The following COL6A5 variants were observed in gnomAD, a reference collection of about 807,000 sequenced individuals.
COL6A5 encodes the protein collagen type VI alpha 5 chain.
COL6A5 carries 48 observed loss-of-function variants against 65.6 expected under a neutral mutation model. The ratio of observed to expected loss-of-function variants is 0.73; its 90% CI spans 0.58 to 0.93. The LOEUF (loss-of-function observed/expected upper bound fraction) is 0.93. Ranked by LOEUF, COL6A5 falls within the 40% of genes least tolerant of loss-of-function variation. The pLI is 0.00. For synonymous variants in COL6A5, 291 were observed against 322.8 expected (o/e 0.90, Z 1.05); for missense variants, 914 against 928.3 (o/e 0.98, Z 0.20).
chr3:130,382,242 AAC>A (rs1936021095), intron 4 of COL6A5, among the ~76,000 whole-genome samples: 1 of 152,032 alleles, frequency 6.6e-6, no homozygotes, highest in African/African-American at 2.4e-5. Flanking sequence ...AACAACAAAA[AAC>A]ACAAAAAAAC....
intron 1 of COL6A5, among the ~76,000 whole-genome samples, chr3:130,350,601 A>G (rs1934667036): frequency 6.6e-6 from 1 of 152,194 alleles, no homozygotes; most frequent in Admixed American, 6.5e-5. Flanking sequence ...TCCAACTTAC[A>G]AGGGATGTGA....
chr3:130,468,186 A>C (rs1387039858), intron 5 of COL6A5, among the ~76,000 whole-genome samples: 1 of 152,036 alleles, frequency 6.6e-6, no homozygotes, highest in Admixed American at 6.6e-5. Context: ...TCATGGTGCA[A>C]ACTGCTTACC....
At chr3:130,408,954 TTTAA>T (rs935094339) in intron 17 of COL6A5, among the ~76,000 whole-genome samples, 27 of 152,246 alleles carry the variant, frequency 1.8e-4, no homozygotes, top group African/African-American at 6.5e-4. Context: ...AAAGTTTAAT[TTTAA>T]TTAATTAAGA....
chr3:130,383,784 T>C (rs1227308473), intron 4 of COL6A5, among the ~76,000 whole-genome samples: 2 of 152,038 alleles, frequency 1.3e-5, no homozygotes, highest in Non-Finnish European at 2.9e-5. Flanking sequence ...AAGTAGTAAA[T>C]AGACTACTAA....
chr3:130,422,721 G>C, exon 28 of COL6A5: 1 of 1,525,508 alleles, frequency 6.6e-7, no homozygotes, highest in Non-Finnish European at 8.8e-7. Flanking sequence ...AATCTTCAGG[G>C]TGATATTGGT....
chr3:130,359,490 C>T (rs960233308), intron 1 of COL6A5, among the ~76,000 whole-genome samples: 1 of 151,784 alleles, frequency 6.6e-6, no homozygotes, highest in African/African-American at 2.4e-5. Context: ...TTTTAGGACT[C>T]ATAAGTCTAT....
intron 5 of COL6A5, 57 bp downstream of exon 5, chr3:130,385,421 T>G: frequency 6.7e-7 from 1 of 1,485,186 alleles, no homozygotes; most frequent in Non-Finnish European, 9.0e-7. Context: ...TTTAGGCAGA[T>G]TAATGGCCAG....
exon 7 of COL6A5, chr3:130,391,227 C>T (rs1398625832): frequency 6.4e-7 from 1 of 1,551,452 alleles, no homozygotes; most frequent in African/African-American, 1.4e-5. Context: ...CTGGATCATT[C>T]AGGTAGCATA....
At chr3:130,402,690 T>C (rs1936856106) in intron 12 of COL6A5, among the ~76,000 whole-genome samples, 1 of 152,190 alleles carries the variant, frequency 6.6e-6, no homozygotes, top group Admixed American at 6.5e-5. Context: ...GCACTGTGCC[T>C]GGGACCAATA....
At chr3:130,471,578 C>T in intron 7 of COL6A5, 104 bp from the exon 40 acceptor site, 1 of 1,061,104 alleles carries the variant, frequency 9.4e-7, no homozygotes, top group Non-Finnish European at 1.3e-6. Context: ...ATTCCAATCA[C>T]ATACATAAAA....
At chr3:130,409,512 G>A (rs768726139) in intron 18 of COL6A5, 124 bp downstream of exon 18, 34 of 766,900 alleles carry the variant, frequency 4.4e-5, no homozygotes, top group Non-Finnish European at 5.8e-5. Flanking sequence ...GGGGTGATAG[G>A]TGTTGGCTGA....
At chr3:130,395,506 C>T in intron 8 of COL6A5, 41 bp downstream of exon 8, 1 of 1,410,080 alleles carries the variant, frequency 7.1e-7, no homozygotes, top group South Asian at 1.3e-5. Context: ...GGAAACTTCT[C>T]ATTTCTCCAT....
At chr3:130,375,799 A>T (rs79862799) in intron 2 of COL6A5, among the ~76,000 whole-genome samples, 7,649 of 152,150 alleles carry the variant, frequency 0.05, 286 homozygotes, top group Middle Eastern at 0.11. Flanking sequence ...ATGAGAACTC[A>T]TGAGACTCTC....
At chr3:130,355,392 A>G (rs1934886518) in intron 1 of COL6A5, among the ~76,000 whole-genome samples, 2 of 152,138 alleles carry the variant, frequency 1.3e-5, no homozygotes, top group Admixed American at 6.5e-5. Context: ...ATTAAAGAAG[A>G]GAAAGGAAAA....
At chr3:130,375,247 G>A (rs1935721197) in intron 2 of COL6A5, among the ~76,000 whole-genome samples, 2 of 152,132 alleles carry the variant, frequency 1.3e-5, no homozygotes, top group South Asian at 4.1e-4. Flanking sequence ...ACTTAACCAA[G>A]AGGTTCTGCC....
chr3:130,390,922 G>A (rs1316375759), intron 6 of COL6A5, among the ~76,000 whole-genome samples: 6 of 152,188 alleles, frequency 3.9e-5, no homozygotes, highest in African/African-American at 1.4e-4. Context: ...GAGTGGTGTG[G>A]CATAAGGACC....
Position 130,443,582 on chromosome 3 carries a change from C to A in COL6A5, c.1332+16C>A. 1 of 1,532,396 alleles carries A rather than the reference C, an allele frequency of 6.5e-7. No homozygotes were observed. The highest frequency in any genetic ancestry group is 1.1e-5 in the South Asian group (1 of 89,312). 94.9% of individuals were successfully genotyped at this position (1,532,396 alleles called of 1,614,324 possible). A position where few individuals can be genotyped will look rare whatever the true frequency, so the allele number is the denominator to read the frequency against. ...ATGGTTTCCAGTAAGTTAGAAAGCT[C>A]TTATATTTACAAGTGACTGCTAATT... On this transcript the variant is annotated intron_variant, in intron 4 of 7. Coordinates refer to ENST00000512836, the Ensembl canonical transcript of COL6A5.
chr3:130,347,799 T>C (rs1255844592), intron 1 of COL6A5, among the ~76,000 whole-genome samples: 1 of 152,190 alleles, frequency 6.6e-6, no homozygotes, highest in Non-Finnish European at 1.5e-5. Flanking sequence ...TATTGCAGTT[T>C]GCTTTGATGA....
exon 6 of COL6A5, chr3:130,469,342 C>T: frequency 6.2e-7 from 1 of 1,612,874 alleles, no homozygotes. Context: ...TTTCCTTTGG[C>T]CCTAAACACA....
Sources: gnomAD v4.1 joint callset for allele counts (sites outside exome capture counted in the v4.1 genomes callset) on GRCh38, gnomAD v4.1.1 for gene constraint, MANE v1.5 for transcripts, NCBI Gene and HGNC (gene_info 2026-07-23, HGNC 2026-07-21) for gene names.